FGF14: variants seen among roughly 807,000 people sequenced by gnomAD.
The protein encoded by FGF14 is fibroblast growth factor 14, also known as fibroblast growth factor homologous factor 4.
In FGF14, 5 loss-of-function variants were observed where a neutral mutation model predicts 25.5. The observed-to-expected ratio is 0.20, with a 90% CI of 0.10 to 0.41. FGF14 has a LOEUF of 0.41. Ranked by LOEUF, FGF14 falls within the 10% of genes least tolerant of loss-of-function variation. FGF14 has a pLI of 1.00. For missense variants in FGF14, 222 were observed against 320.1 expected, an observed-to-expected ratio of 0.69 and a Z score of 2.34; for synonymous variants, 138 against 118.3, an observed-to-expected ratio of 1.17 and a Z score of -1.08.
intron 1 of FGF14, among the ~76,000 whole-genome samples, chr13:102,011,442 G>T (rs548893940): frequency 2.0e-5 from 3 of 152,156 alleles, no homozygotes; most frequent in Non-Finnish European, 4.4e-5. Context: ...GACAAACCCA[G>T]GCAGGATCAC....
intron 1 of FGF14, among the ~76,000 whole-genome samples, chr13:102,069,419 T>G (rs903914765): frequency 2.0e-5 from 3 of 152,314 alleles, no homozygotes; most frequent in East Asian, 1.9e-4. Flanking sequence ...CGAGCCAGCA[T>G]TGGCAACCCG....
intron 1 of FGF14, among the ~76,000 whole-genome samples, chr13:101,981,933 G>T (rs1457172391): frequency 6.6e-6 from 1 of 152,178 alleles, no homozygotes; most frequent in Non-Finnish European, 1.5e-5. Context: ...GAGTTCCATA[G>T]ACTTAGCTAC....
rs147398227 is a variant in FGF14 at position 102,243,458 on chromosome 13, C to T, written c.208+158013G>A. ...GTCACTGGTGATAAATATCTAAGCC[C>T]GACATTTATTTATAACAACACATAA... On this transcript the variant is annotated intron_variant, in intron 1 of 4. Coordinates refer to the FGF14 transcript ENST00000376131. Among the ~76,000 whole-genome samples, 293 of 151,720 alleles carry T rather than the reference C, an allele frequency of 1.9e-3. 10 individuals carry two copies. The East Asian group carries it at 0.045, about 23-fold the overall frequency.
At chr13:101,790,409 C>CTTTTTTT (rs3064706) in intron 3 of FGF14, among the ~76,000 whole-genome samples, 1 of 143,154 alleles carries the variant, frequency 7.0e-6, no homozygotes, top group Non-Finnish European at 1.5e-5. Context: ...TATTCATTTT[C>CTTTTTTT]TTTTTTTTTT....
intron 1 of FGF14, among the ~76,000 whole-genome samples, chr13:102,160,140 T>C (rs2047554346): frequency 2.0e-5 from 3 of 152,096 alleles, no homozygotes; most frequent in Admixed American, 1.3e-4. Flanking sequence ...GGGAAGGAAA[T>C]AAGGGTACGT....
intron 1 of FGF14, among the ~76,000 whole-genome samples, chr13:102,105,580 G>A (rs1177089424): frequency 6.6e-6 from 1 of 152,090 alleles, no homozygotes. Context: ...CTGCATTATT[G>A]GAGAGTAGAT....
At chr13:102,236,243 C>T (rs1383931840) in intron 1 of FGF14, among the ~76,000 whole-genome samples, 3 of 152,146 alleles carry the variant, frequency 2.0e-5, no homozygotes, top group African/African-American at 4.8e-5. Flanking sequence ...CCGAATTATT[C>T]GTTGCACAAG....
intron 2 of FGF14, among the ~76,000 whole-genome samples, chr13:101,871,423 C>G (rs189921218): frequency 7.8e-4 from 119 of 152,234 alleles, no homozygotes; most frequent in Non-Finnish European, 1.4e-3. Context: ...TCAAATAACC[C>G]TAATATACAA....
In FGF14 at chr13:102,161,623, A is replaced by G. The variant is rs1481377956; in HGVS notation, c.208+239848T>C. ...GAAGAAGAAGAAGAAGAAGAAGAAG[A>G]AGAAGAAGAAGAAGAAGAAGAAGAA... On this transcript the variant is annotated intron_variant, in intron 1 of 4. Coordinates refer to the FGF14 transcript ENST00000376131. 1.8e-3 allele frequency among the ~76,000 whole-genome samples: 34 copies of G among 19,104 alleles called. 1 individual carries two copies. The highest frequency in any genetic ancestry group is 2.5e-3 in the Non-Finnish European group (26 of 10,460). The allele number at this position is 19,104 out of a possible 152,430, so 12.5% of individuals were successfully genotyped here.
intron 1 of FGF14, among the ~76,000 whole-genome samples, chr13:102,230,717 C>G (rs774755659): frequency 4.0e-4 from 61 of 152,288 alleles, no homozygotes; most frequent in Middle Eastern, 3.4e-3. Flanking sequence ...CTCAAAGACC[C>G]TAATCCATCT....
intron 1 of FGF14, among the ~76,000 whole-genome samples, chr13:102,369,840 C>G (rs1272232480): frequency 3.3e-5 from 5 of 152,032 alleles, no homozygotes. Flanking sequence ...CAAGAAAGTC[C>G]TTACATATAA....
At chr13:101,825,113 G>A (rs1302953944) in intron 3 of FGF14, among the ~76,000 whole-genome samples, 2 of 152,240 alleles carry the variant, frequency 1.3e-5, no homozygotes, top group African/African-American at 2.4e-5. Flanking sequence ...CTGAGGAAGA[G>A]GTGGGAAGCC....
At chr13:102,151,397 C>T (rs1356665259) in intron 1 of FGF14, among the ~76,000 whole-genome samples, 1 of 152,168 alleles carries the variant, frequency 6.6e-6, no homozygotes, top group Non-Finnish European at 1.5e-5. Flanking sequence ...CCATCATCTT[C>T]TTACGCCTTA....
At chr13:102,282,296 C>A (rs973894019) in intron 1 of FGF14, among the ~76,000 whole-genome samples, 2 of 152,054 alleles carry the variant, frequency 1.3e-5, no homozygotes, top group Non-Finnish European at 2.9e-5. Context: ...GAACTCCCAA[C>A]CTCAGGTGAT....
In FGF14 at chr13:101,717,330, T is replaced by G. The variant is rs373318553; in HGVS notation, c.*5501A>C. The G allele has an allele frequency of 3.9e-5, 6 of 152,122 alleles. No homozygotes were observed. The highest frequency in any genetic ancestry group is 1.2e-4 in the African/African-American group (5 of 41,444). The allele number at this position is 152,122 out of a possible 1,614,324, so 9.4% of individuals were successfully genotyped here. A position where few individuals can be genotyped will look rare whatever the true frequency, so the allele number is the denominator to read the frequency against. ...AAAATTGTTATCTCTATCCTGAGAT[T>G]AAGGAGTGCAACCATGTTGTAGTTC... On this transcript the variant is annotated 3_prime_UTR_variant, in exon 5 of 5. Coordinates refer to ENST00000376143, the MANE Select transcript of FGF14 (RefSeq NM_004115.4).
intron 1 of FGF14, among the ~76,000 whole-genome samples, chr13:102,209,123 G>T (rs903833662): frequency 6.6e-6 from 1 of 152,208 alleles, no homozygotes; most frequent in African/African-American, 2.4e-5. Context: ...AAGCTCAATG[G>T]TTCCAACAGA....
intron 1 of FGF14, among the ~76,000 whole-genome samples, chr13:102,283,670 C>T (rs1430992071): frequency 1.3e-5 from 2 of 152,190 alleles, no homozygotes; most frequent in African/African-American, 2.4e-5. Flanking sequence ...TCTGAACCTA[C>T]TGTCCACTGT....
In FGF14 at chr13:101,943,456, A is replaced by C. The variant is rs2476232; in HGVS notation, c.209-68160T>G. Among the ~76,000 whole-genome samples, 38 of 152,158 alleles carry C rather than the reference A, an allele frequency of 2.5e-4. 1 individual carries two copies. In the East Asian group the frequency reaches 6.4e-3, roughly 26 times the overall value. ...ACAAGGGGGAAGAGGTGTTACTGAC[A>C]TCTAGTTGGTAGAAGCCAGAGATGC... On this transcript the variant is annotated intron_variant, in intron 1 of 4. Coordinates refer to the FGF14 transcript ENST00000376131.
chr13:102,347,066 G>A (rs552062884), intron 1 of FGF14, among the ~76,000 whole-genome samples: 3 of 152,228 alleles, frequency 2.0e-5, no homozygotes, highest in African/African-American at 4.8e-5. Context: ...CTAAGGAACC[G>A]AGCAGAGCCC....
Sources: allele counts gnomAD v4.1 joint callset (sites outside exome capture counted in the v4.1 genomes callset), GRCh38; gene constraint gnomAD v4.1.1; transcripts MANE v1.5; gene names NCBI Gene and HGNC (gene_info 2026-07-23, HGNC 2026-07-21).